PIEZO2: variants seen among roughly 807,000 people sequenced by gnomAD.
PIEZO2 encodes piezo type mechanosensitive ion channel component 2, also known as piezo-type mechanosensitive ion channel component 2.
In PIEZO2, 172 loss-of-function variants were observed where a neutral mutation model predicts 337.3. The observed-to-expected ratio is 0.51, with a 90% CI of 0.45 to 0.58. The LOEUF is 0.58. Ranked by LOEUF, PIEZO2 falls within the 20% of genes least tolerant of loss-of-function variation. PIEZO2 has a pLI of 0.00. For missense variants in PIEZO2, 3,028 were observed against 3,391.3 expected, an observed-to-expected ratio of 0.89 and a Z score of 2.66; for synonymous variants, 1,251 against 1,228.5, an observed-to-expected ratio of 1.02 and a Z score of -0.38.
At chr18:10,829,878 A>G (rs1268762042) in intron 7 of PIEZO2, among the ~76,000 whole-genome samples, 1 of 152,072 alleles carries the variant, frequency 6.6e-6, no homozygotes, top group African/African-American at 2.4e-5. Flanking sequence ...AAAGCAATCT[A>G]CAGATTCAGT....
Position 10,721,291 on chromosome 18 carries a change from G to A in PIEZO2, c.5030-3032C>T, listed in dbSNP as rs139676828. Among the ~76,000 whole-genome samples the A allele has an allele frequency of 3.4e-3, 525 of 152,270 alleles. 5 individuals are homozygous for A. Among genetic ancestry groups the A allele is most frequent in the African/African-American group, 0.012 (502 of 41,550 alleles). Reference sequence around the variant, plus strand: ...AGTTAGTTACTACAGTATACATAAGGCACATATGACAACAGCTGGCACTTC... The same window carrying A: ...AGTTAGTTACTACAGTATACATAAGACACATATGACAACAGCTGGCACTTC... On this transcript the variant is annotated intron_variant, in intron 36 of 55. Transcript: ENST00000674853.
chr18:10,857,034 T>G lies in PIEZO2; in HGVS notation c.670A>C (p.Lys224Gln). Residue 224 changes from lysine (K) to glutamine (Q), a missense_variant, in exon 6 of 56, where the codon AAA becomes CAA. Coordinates refer to ENST00000674853, the MANE Select transcript of PIEZO2 (RefSeq NM_001378183.1). ...FIGNMITTAG[K>Q]VVVTILLGSS... ...CCCAGTAAGATGGTAACAACGACTT[T>G]CCCAGCAGTGGTGATCATGTTGCCA... 5.2e-6 allele frequency: 8 copies of G among 1,537,324 alleles called. No individual in the cohort carries two copies. The highest frequency in any genetic ancestry group is 7.0e-6 in the Non-Finnish European group (8 of 1,146,934).
rs2660255 is a variant in PIEZO2, at chr18:11,035,657, G to T, written c.160+30470C>A. Among the ~76,000 whole-genome samples the T allele has an allele frequency of 0.25, 37,396 of 152,062 alleles. 4,723 individuals carry two copies. The highest frequency in any genetic ancestry group is 0.36 in the East Asian group (1,879 of 5,156). On this transcript the variant is annotated intron_variant, in intron 2 of 55. Coordinates refer to ENST00000674853, the MANE Select transcript of PIEZO2 (RefSeq NM_001378183.1). The surrounding 1 kb of genome is among the most constrained non-coding windows in gnomAD (Gnocchi z 4.3). The stretch of plus-strand genomic sequence containing the variant: ...AAAAAACAGCAGAGACCTCTAATAT[G>T]CATAGGAAGTCACTCTTATCCCTGA...
chr18:10,818,458 G>A (rs759970895), intron 7 of PIEZO2, among the ~76,000 whole-genome samples: 1 of 152,058 alleles, frequency 6.6e-6, no homozygotes, highest in African/African-American at 2.4e-5. Context: ...TCTTCATCAC[G>A]GAAGTATCAA....
intron 7 of PIEZO2, among the ~76,000 whole-genome samples, chr18:10,820,699 T>C (rs1161646381): frequency 6.6e-6 from 1 of 152,228 alleles, no homozygotes; most frequent in African/African-American, 2.4e-5. Flanking sequence ...ATGCTGAACA[T>C]TGTTATTTCT....
intron 47 of PIEZO2, among the ~76,000 whole-genome samples, chr18:10,695,720 G>T (rs1040996730): frequency 3.3e-5 from 5 of 151,978 alleles, no homozygotes; most frequent in African/African-American, 9.7e-5. Flanking sequence ...TCTCAAAAAT[G>T]CCCCCAAGAC....
At chr18:11,142,965 G>T (rs932454859) in intron 1 of PIEZO2, among the ~76,000 whole-genome samples, 1 of 152,140 alleles carries the variant, frequency 6.6e-6, no homozygotes, top group Non-Finnish European at 1.5e-5. Flanking sequence ...TGTAGCCCCA[G>T]CTACTCGGGT....
intron 3 of PIEZO2, among the ~76,000 whole-genome samples, chr18:10,918,442 C>T (rs1441843161): frequency 1.3e-5 from 2 of 151,906 alleles, no homozygotes; most frequent in Non-Finnish European, 2.9e-5. Flanking sequence ...TTATATTTGG[C>T]TTTTTATCCC....
intron 3 of PIEZO2, among the ~76,000 whole-genome samples, chr18:10,950,777 T>C (rs936243022): frequency 6.6e-6 from 1 of 152,202 alleles, no homozygotes; most frequent in African/African-American, 2.4e-5. Flanking sequence ...TTACACTGTT[T>C]AAACGGTATC....
rs958893685 is a variant in PIEZO2, at chr18:11,127,233, T to G, written c.64+21292A>C. On this transcript the variant is annotated intron_variant, in intron 1 of 55. Coordinates refer to ENST00000674853, the MANE Select transcript of PIEZO2 (RefSeq NM_001378183.1). The surrounding 1 kb of genome is among the most constrained non-coding windows in gnomAD (Gnocchi z 4.5). ...GTCCCTGAGGAGGTGACATTTAGGC[T>G]GAGATATAGGAGGAAACGCTCATCA... Among the ~76,000 whole-genome samples, 1 of 152,220 alleles carries G rather than the reference T, an allele frequency of 6.6e-6. No individual in the cohort carries two copies. Among genetic ancestry groups the G allele is most frequent in the South Asian group, 2.1e-4 (1 of 4,812 alleles).
In PIEZO2 at chr18:11,116,721, A is replaced by G. The variant is rs1035148106; in HGVS notation, c.64+31804T>C. 2.0e-5 allele frequency among the ~76,000 whole-genome samples: 3 copies of G among 150,992 alleles called. No individual in the cohort carries two copies. On this transcript the variant is annotated intron_variant, in intron 1 of 55. Coordinates refer to ENST00000674853, the MANE Select transcript of PIEZO2 (RefSeq NM_001378183.1). This position sits in a 1 kb window ranked among gnomAD's most constrained non-coding sequence, Gnocchi z 5.0. Reference sequence around the variant, plus strand: ...CAGAACGAGACTCCGTCTCAAAAAAAACAAAGAAAAAAAAAAATCATTCCA... The same window carrying G: ...CAGAACGAGACTCCGTCTCAAAAAAGACAAAGAAAAAAAAAAATCATTCCA...
chr18:11,021,722 C>T lies in PIEZO2; in HGVS notation c.161-42062G>A, dbSNP rs1214455475. ...CACGTCCCTCCCACCCATGCCTTCA[C>T]AAGTTCATTCTATTCAATGTATGAG... On this transcript the variant is annotated intron_variant, in intron 2 of 55. Coordinates refer to ENST00000674853, the MANE Select transcript of PIEZO2 (RefSeq NM_001378183.1). This position sits in a 1 kb window ranked among gnomAD's most constrained non-coding sequence, Gnocchi z 4.7. 6.6e-6 allele frequency among the ~76,000 whole-genome samples: 1 copy of T among 152,204 alleles called. No individual in the cohort carries two copies. The highest frequency in any genetic ancestry group is 2.4e-5 in the African/African-American group (1 of 41,458).
At chr18:11,022,466 A>G (rs977036007) in intron 2 of PIEZO2, among the ~76,000 whole-genome samples, 4 of 152,202 alleles carry the variant, frequency 2.6e-5, no homozygotes, top group African/African-American at 9.6e-5. Flanking sequence ...TGTAAAGGCT[A>G]GAAGCCCACG....
At chr18:10,892,554 G>T (rs2042786576) in intron 4 of PIEZO2, among the ~76,000 whole-genome samples, 1 of 152,116 alleles carries the variant, frequency 6.6e-6, no homozygotes, top group Admixed American at 6.6e-5. Context: ...GACTATGGTG[G>T]TGGTTAAATG....
Position 11,110,268 on chromosome 18 carries a change from C to T in PIEZO2, c.64+38257G>A, listed in dbSNP as rs1411894098. Among the ~76,000 whole-genome samples the T allele has an allele frequency of 6.6e-6, 1 of 152,158 alleles. No individual in the cohort carries two copies. The highest frequency in any genetic ancestry group is 2.4e-5 in the African/African-American group (1 of 41,420). On this transcript the variant is annotated intron_variant, in intron 1 of 55. Coordinates refer to ENST00000674853, the MANE Select transcript of PIEZO2 (RefSeq NM_001378183.1). This position sits in a 1 kb window ranked among gnomAD's most constrained non-coding sequence, Gnocchi z 4.2. The stretch of plus-strand genomic sequence containing the variant: ...AAAGTGCTGGGACTACAGGTGCAAG[C>T]CTCCTCATTTTTCTAATAAACATAC...
At chr18:10,957,976 C>A (rs264188) in intron 3 of PIEZO2, among the ~76,000 whole-genome samples, 60 of 151,980 alleles carry the variant, frequency 3.9e-4, no homozygotes, top group African/African-American at 1.4e-3. Context: ...CACTTCATGC[C>A]TGTTAGAATG....
chr18:10,949,872 C>T (rs1385174133), intron 3 of PIEZO2, among the ~76,000 whole-genome samples: 1 of 152,152 alleles, frequency 6.6e-6, no homozygotes, highest in African/African-American at 2.4e-5. Context: ...GATAACAAGA[C>T]CGATAAGCAG....
rs1188131724 is a variant in PIEZO2 at position 10,895,128 on chromosome 18, C to T, written c.329+16058G>A. On this transcript the variant is annotated intron_variant, in intron 4 of 55. Coordinates refer to ENST00000674853, the MANE Select transcript of PIEZO2 (RefSeq NM_001378183.1). This position sits in a 1 kb window ranked among gnomAD's most constrained non-coding sequence, Gnocchi z 4.8. ...CTTAGATGCCACTGGCTTCTAGCTCCCACCAGGTTATTTGGTAGAAAGTCA... is the reference window on the plus strand; with the variant it reads ...CTTAGATGCCACTGGCTTCTAGCTCTCACCAGGTTATTTGGTAGAAAGTCA... Among the ~76,000 whole-genome samples the T allele has an allele frequency of 2.0e-5, 3 of 152,170 alleles. No homozygotes were observed. Among genetic ancestry groups the T allele is most frequent in the Non-Finnish European group, 4.4e-5 (3 of 68,030 alleles).
intron 2 of PIEZO2, among the ~76,000 whole-genome samples, chr18:11,059,353 A>G (rs532882515): frequency 3.3e-4 from 51 of 152,304 alleles, no homozygotes; most frequent in African/African-American, 1.2e-3. Flanking sequence ...ATCAACTAAC[A>G]GGCAAAATAA....
Sources: allele counts gnomAD v4.1 joint callset (sites outside exome capture counted in the v4.1 genomes callset), GRCh38; gene constraint gnomAD v4.1.1; non-coding constraint Gnocchi (gnomAD v3.1); transcripts MANE v1.5; gene names NCBI Gene and HGNC (gene_info 2026-07-23, HGNC 2026-07-21).